The following PPP1R17 variants were observed in gnomAD, a reference collection of about 807,000 sequenced individuals.
PPP1R17 encodes protein phosphatase 1 regulatory subunit 17.
A neutral mutation model predicts 15.9 loss-of-function variants in PPP1R17; 12 were observed. The observed-to-expected ratio is 0.75, with a 90% CI of 0.48 to 1.22. PPP1R17 has a LOEUF of 1.22. Among genes scored for constraint, PPP1R17 ranks in the 50% most tolerant of loss-of-function variants. The pLI is 0.00. For synonymous variants in PPP1R17, 63 were observed against 64.5 expected, an observed-to-expected ratio of 0.98 and a Z score of 0.11; for missense variants, 211 against 187.3, an observed-to-expected ratio of 1.13 and a Z score of -0.74.
At chr7:31,699,219 T>C (rs1792741651) in intron 4 of PPP1R17, among the ~76,000 whole-genome samples, 1 of 152,176 alleles carries the variant, frequency 6.6e-6, no homozygotes, top group South Asian at 2.1e-4. Flanking sequence ...CAGGATCTGT[T>C]GGCCCTCAGT....
chr7:31,692,412 A>G lies in PPP1R17; in HGVS notation c.-30A>G. Reference sequence around the variant, plus strand: ...GTTTTTTATACTTCCTTAGTGCTGGAGAAGAAATACATCCACCCACCCTCC... The same window carrying G: ...GTTTTTTATACTTCCTTAGTGCTGGGGAAGAAATACATCCACCCACCCTCC... On this transcript the variant is annotated 5_prime_UTR_variant, in exon 2 of 5. Transcript: ENST00000342032. 1 of 1,537,510 alleles carries G rather than the reference A, an allele frequency of 6.5e-7. No individual in the cohort carries two copies. Among genetic ancestry groups the G allele is most frequent in the Admixed American group, 1.7e-5 (1 of 59,474 alleles).
intron 1 of PPP1R17, among the ~76,000 whole-genome samples, chr7:31,691,126 G>A (rs979941723): frequency 2.0e-5 from 3 of 152,128 alleles, no homozygotes; most frequent in Admixed American, 6.6e-5. Flanking sequence ...GATTTCTTCT[G>A]AAGTCACTCA....
In PPP1R17 at chr7:31,697,096, C is replaced by A. The variant is rs1442183279; in HGVS notation, c.367C>A (p.His123Asn). 5.6e-6 allele frequency: 9 copies of A among 1,613,908 alleles called. No homozygotes were observed. Among genetic ancestry groups the A allele is most frequent in the Non-Finnish European group, 7.6e-6 (9 of 1,179,970 alleles). Residue 123 changes from histidine to asparagine, a missense_variant, in exon 4 of 5, where the codon CAC becomes AAC. Physicochemically the swap from His to Asn is moderately conservative, Grantham distance 68 (BLOSUM62 1). Coordinates refer to ENST00000342032, the MANE Select transcript of PPP1R17 (RefSeq NM_006658.5). ...KPRRKDTPAL[H>N]MSPFAAGVTL... ...AAGGAGAAAAGACACACCTGCCCTG[C>A]ACATGTCCCCCTTTGCAGCAGGTAA...
chr7:31,706,453 T>C (rs914504470), intron 4 of PPP1R17, among the ~76,000 whole-genome samples: 3 of 152,210 alleles, frequency 2.0e-5, no homozygotes, highest in African/African-American at 7.2e-5. Flanking sequence ...AGAAGGAAAA[T>C]AATCTCAAAA....
intron 1 of PPP1R17, among the ~76,000 whole-genome samples, chr7:31,689,291 C>T (rs1275921726): frequency 6.6e-6 from 1 of 152,116 alleles, no homozygotes; most frequent in Non-Finnish European, 1.5e-5. Context: ...GAAAACACCC[C>T]CAAATGTGAA....
intron 2 of PPP1R17, 109 bp from the exon 3 acceptor site, chr7:31,695,360 G>T: frequency 1.0e-6 from 1 of 981,362 alleles, no homozygotes; most frequent in Non-Finnish European, 1.5e-6. Context: ...TCCTTTTCAG[G>T]CCAAATCACC....
rs548762885 is a variant in PPP1R17 at position 31,705,841 on chromosome 7, G to A, written c.389-1363G>A. 1.9e-3 allele frequency among the ~76,000 whole-genome samples: 286 copies of A among 152,110 alleles called. 1 individual carries two copies. The highest frequency in any genetic ancestry group is 3.3e-3 in the Non-Finnish European group (225 of 68,000). ...GACCATGGAGGACTGGCCTTCCATC[G>A]CAGCTTCCTTTGACCTTACATTAAA... On this transcript the variant is annotated intron_variant, in intron 4 of 4. Transcript: ENST00000342032.
intron 4 of PPP1R17, among the ~76,000 whole-genome samples, chr7:31,700,692 C>T (rs112691080): frequency 6.6e-6 from 1 of 152,108 alleles, no homozygotes; most frequent in African/African-American, 2.4e-5. Flanking sequence ...AAAGGACAGG[C>T]CAACTCTCTT....
At position 31,695,624 on chromosome 7, in the gene PPP1R17, A is replaced by G. The variant is rs2128241114; in HGVS notation, c.235+3A>G. On this transcript the variant is annotated splice_donor_region_variant and intron_variant, in intron 3 of 4. Transcript: ENST00000342032. ...GCACATCCCACCTTTCATACCAGGTAATGGACAAAGTCATCTGCACAGCTG... is the reference window on the plus strand; with the variant it reads ...GCACATCCCACCTTTCATACCAGGTGATGGACAAAGTCATCTGCACAGCTG... The G allele has an allele frequency of 1.9e-6, 3 of 1,611,298 alleles. No individual in the cohort carries two copies. The highest frequency in any genetic ancestry group is 2.2e-5 in the East Asian group (1 of 44,834).
chr7:31,692,368 A>G (rs1792392610), intron 1 of PPP1R17, 38 bp from the exon 2 acceptor site: 3 of 1,202,132 alleles, frequency 2.5e-6, no homozygotes, highest in Non-Finnish European at 3.6e-6. Context: ...ATGAATAAAC[A>G]GAGCCATACT....
At chr7:31,693,811 A>G (rs1401044426) in intron 2 of PPP1R17, among the ~76,000 whole-genome samples, 2 of 152,230 alleles carry the variant, frequency 1.3e-5, no homozygotes, top group East Asian at 1.9e-4. Context: ...TACTTTTTAA[A>G]TAAGAAAGAG....
chr7:31,702,598 T>G (rs960867849), intron 4 of PPP1R17, among the ~76,000 whole-genome samples: 6 of 152,218 alleles, frequency 3.9e-5, no homozygotes, highest in Non-Finnish European at 7.3e-5. Flanking sequence ...AGCATGCAAA[T>G]ACCCAAAACT....
At position 31,703,659 on chromosome 7, in the gene PPP1R17, G is replaced by A. The variant is rs117564497; in HGVS notation, c.389-3545G>A. 6.6e-5 allele frequency among the ~76,000 whole-genome samples: 10 copies of A among 152,356 alleles called. No homozygotes were observed. In the East Asian group the frequency reaches 1.9e-3, roughly 29 times the overall value. Reference sequence around the variant, plus strand: ...TGGTAGTTAAGCTGATAAGGATAGAGCCTTCGGCAGATGTTCAGAAGGACT... The same window carrying A: ...TGGTAGTTAAGCTGATAAGGATAGAACCTTCGGCAGATGTTCAGAAGGACT... On this transcript the variant is annotated intron_variant, in intron 4 of 4. Transcript: ENST00000342032.
At chr7:31,698,463 C>T (rs983956019) in intron 4 of PPP1R17, among the ~76,000 whole-genome samples, 1 of 152,198 alleles carries the variant, frequency 6.6e-6, no homozygotes, top group African/African-American at 2.4e-5. Context: ...CCAGGGACAA[C>T]TCTCCCTCAG....
chr7:31,692,416 G>A lies in PPP1R17; in HGVS notation c.-26G>A. ...TTTATACTTCCTTAGTGCTGGAGAA[G>A]AAATACATCCACCCACCCTCCTTTG... On this transcript the variant is annotated 5_prime_UTR_variant, in exon 2 of 5. Coordinates refer to ENST00000342032, the MANE Select transcript of PPP1R17 (RefSeq NM_006658.5). 1 of 1,558,848 alleles carries A rather than the reference G, an allele frequency of 6.4e-7. No homozygotes were observed. The highest frequency in any genetic ancestry group is 1.7e-5 in the Admixed American group (1 of 59,656).
At position 31,708,420 on chromosome 7, in the gene PPP1R17, A is replaced by G. The variant is rs34185; in HGVS notation, c.*1137A>G. ...CTGTTCTCACAAAGATGGAAAAGAT[A>G]CAAGAGCTTGCCGGAAATAAAGCTA... On this transcript the variant is annotated 3_prime_UTR_variant, in exon 5 of 5. Transcript: ENST00000342032. 0.43 allele frequency: 64,808 copies of G among 152,132 alleles called. 15,125 individuals carry two copies. Among genetic ancestry groups the G allele is most frequent in the East Asian group, 0.68 (3,514 of 5,170 alleles). 9.4% of individuals were successfully genotyped at this position (152,132 alleles called of 1,614,324 possible). A position where few individuals can be genotyped will look rare whatever the true frequency, so the allele number is the denominator to read the frequency against.
intron 1 of PPP1R17, among the ~76,000 whole-genome samples, chr7:31,691,797 TAAA>T (rs377169335): frequency 8.8e-4 from 76 of 86,546 alleles, no homozygotes; most frequent in East Asian, 3.2e-3. Flanking sequence ...ATGTAATGAT[TAAA>T]AAAAAAAAAA....
chr7:31,688,739 A>AAG (rs1792213177), intron 1 of PPP1R17, among the ~76,000 whole-genome samples: 1 of 152,232 alleles, frequency 6.6e-6, no homozygotes, highest in Admixed American at 6.5e-5. Flanking sequence ...AGGAAGTTAC[A>AAG]AGAGTTTAAA....
At chr7:31,692,833 G>A (rs1792415607) in intron 2 of PPP1R17, among the ~76,000 whole-genome samples, 1 of 152,222 alleles carries the variant, frequency 6.6e-6, no homozygotes, top group South Asian at 2.1e-4. Flanking sequence ...GGCAATAAAT[G>A]GAATGTGTCA....
Sources: gnomAD v4.1 joint callset for allele counts (sites outside exome capture counted in the v4.1 genomes callset) on GRCh38, gnomAD v4.1.1 for gene constraint, MANE v1.5 for transcripts, NCBI Gene and HGNC (gene_info 2026-07-23, HGNC 2026-07-21) for gene names.